The following CEP128 variants were observed in gnomAD, a reference collection of about 807,000 sequenced individuals.
CEP128 encodes the protein centrosomal protein 128kDa.
In CEP128, 132 loss-of-function variants were observed where a neutral mutation model predicts 156.7. The ratio of observed to expected loss-of-function variants is 0.84; its 90% CI spans 0.73 to 0.97. The LOEUF (loss-of-function observed/expected upper bound fraction) is 0.97. Among genes scored for constraint, CEP128 ranks in the 50% least tolerant of loss-of-function variants. CEP128 has a pLI of 0.00. For missense variants in CEP128, 1,252 were observed against 1,281.9 expected (o/e 0.98, Z 0.36); for synonymous variants, 469 against 448.9 (o/e 1.04, Z -0.57).
At chr14:80,656,445 A>G (rs1013115013) in intron 19 of CEP128, among the ~76,000 whole-genome samples, 2 of 149,998 alleles carry the variant, frequency 1.3e-5, no homozygotes, top group African/African-American at 4.9e-5. Flanking sequence ...CTTCACTGAA[A>G]GCAAGGGCAT....
chr14:80,910,263 T>C (rs1030234109), intron 4 of CEP128, among the ~76,000 whole-genome samples: 2 of 152,122 alleles, frequency 1.3e-5, no homozygotes, highest in Admixed American at 1.3e-4. Context: ...CAAATAAAAT[T>C]TGGGCACTGG....
At chr14:80,788,288 CTTTTTTTTT>C (rs10628361) in intron 14 of CEP128, among the ~76,000 whole-genome samples, 3 of 97,250 alleles carry the variant, frequency 3.1e-5, no homozygotes, top group African/African-American at 1.2e-4. Flanking sequence ...TGGCCAGGAT[CTTTTTTTTT>C]TTTTTTTTTT....
chr14:80,607,587 T>C (rs965081312), intron 19 of CEP128, among the ~76,000 whole-genome samples: 2 of 152,158 alleles, frequency 1.3e-5, no homozygotes, highest in Non-Finnish European at 2.9e-5. Context: ...TGTTAATCTT[T>C]CAGAGAAGCA....
At chr14:80,486,111 T>C (rs1398444819), downstream of CEP128, among the ~76,000 whole-genome samples, 1 of 152,164 alleles carries the variant, frequency 6.6e-6, no homozygotes, top group East Asian at 1.9e-4. Context: ...TGGGACCTAT[T>C]GCATTGTAGT....
At chr14:80,955,474 G>C in intron 2 of CEP128, 3 of 635,088 alleles carry the variant, frequency 4.7e-6, no homozygotes, top group Non-Finnish European at 8.3e-6. Context: ...TTTGGGTCAA[G>C]GTTGCCTAGG....
Position 80,785,175 on chromosome 14 carries a change from C to G in CEP128, c.1931G>C (p.Arg644Pro). 1 of 1,614,160 alleles carries G rather than the reference C, an allele frequency of 6.2e-7. No homozygotes were observed. The highest frequency in any genetic ancestry group is 8.5e-7 in the Non-Finnish European group (1 of 1,180,006). Reference protein sequence around the residue: ...QESIKDLSAIRADLANKLAEE... With the variant: ...QESIKDLSAIPADLANKLAEE... ...AGCCAATTTATTAGCAAGATCTGCTCGGATGGCACTCAGGTCCTTGATGGA... is the reference window on the plus strand; with the variant it reads ...AGCCAATTTATTAGCAAGATCTGCTGGGATGGCACTCAGGTCCTTGATGGA... Residue 644 changes from arginine (R) to proline (P), a missense_variant, in exon 15 of 25, where the codon CGA becomes CCA. By Grantham distance (103) the Arg-to-Pro change is moderately radical. Transcript: ENST00000555265.
At chr14:80,875,770 C>T (rs1262404097) in intron 8 of CEP128, among the ~76,000 whole-genome samples, 2 of 152,096 alleles carry the variant, frequency 1.3e-5, no homozygotes, top group Non-Finnish European at 2.9e-5. Flanking sequence ...CAGGTATATG[C>T]ACACTCGCCC....
chr14:80,680,956 G>A (rs535377131), intron 19 of CEP128, among the ~76,000 whole-genome samples: 4 of 152,198 alleles, frequency 2.6e-5, no homozygotes, highest in Admixed American at 6.5e-5. Flanking sequence ...CCCATTGCCT[G>A]AGACAATAGA....
At chr14:80,907,412 C>A (rs985113769) in intron 4 of CEP128, among the ~76,000 whole-genome samples, 1 of 152,090 alleles carries the variant, frequency 6.6e-6, no homozygotes, top group Non-Finnish European at 1.5e-5. Flanking sequence ...GTAATCCCTG[C>A]AGTTTGGGAG....
At chr14:80,616,445 T>G (rs915348182) in intron 19 of CEP128, among the ~76,000 whole-genome samples, 1 of 152,192 alleles carries the variant, frequency 6.6e-6, no homozygotes. Flanking sequence ...CACTGGGAAA[T>G]AGCAAAGTTG....
chr14:80,640,773 C>A (rs979359671), intron 19 of CEP128, among the ~76,000 whole-genome samples: 1 of 152,294 alleles, frequency 6.6e-6, no homozygotes, highest in African/African-American at 2.4e-5. Context: ...AGAAACCACC[C>A]TTTTGCTGAT....
chr14:80,730,373 T>C (rs1322545691), intron 19 of CEP128, among the ~76,000 whole-genome samples: 1 of 152,206 alleles, frequency 6.6e-6, no homozygotes, highest in Non-Finnish European at 1.5e-5. Flanking sequence ...AAGTGCTTCT[T>C]AGTTAACTTA....
At chr14:80,784,028 A>C (rs550475498) in intron 15 of CEP128, among the ~76,000 whole-genome samples, 1 of 152,274 alleles carries the variant, frequency 6.6e-6, no homozygotes, top group African/African-American at 2.4e-5. Flanking sequence ...TTAAATCATA[A>C]GCATTTTGAA....
chr14:80,536,872 C>T (rs1889507223), intron 21 of CEP128, among the ~76,000 whole-genome samples: 1 of 152,144 alleles, frequency 6.6e-6, no homozygotes, highest in African/African-American at 2.4e-5. Context: ...TCTAAAAAAT[C>T]AGATGCCCAC....
intron 19 of CEP128, among the ~76,000 whole-genome samples, chr14:80,667,501 C>T (rs1182245480): frequency 6.6e-6 from 1 of 151,938 alleles, no homozygotes; most frequent in African/African-American, 2.4e-5. Flanking sequence ...GTTTTTGAAC[C>T]CAAATTCTAA....
chr14:80,664,649 G>A (rs1895539427), intron 19 of CEP128, among the ~76,000 whole-genome samples: 1 of 152,152 alleles, frequency 6.6e-6, no homozygotes, highest in Non-Finnish European at 1.5e-5. Flanking sequence ...GTCACAAAGT[G>A]GTAGAGAAAG....
chr14:80,634,558 C>T (rs2597085), intron 19 of CEP128, among the ~76,000 whole-genome samples: 44,533 of 152,016 alleles, frequency 0.29, 8,474 homozygotes, highest in African/African-American at 0.53. Context: ...GCTTAGTAGG[C>T]ATTTTTTCCA....
At chr14:80,880,944 TTAC>T (rs1205820342) in intron 8 of CEP128, among the ~76,000 whole-genome samples, 1 of 143,748 alleles carries the variant, frequency 7.0e-6, no homozygotes, top group African/African-American at 2.5e-5. Context: ...CACATAGAAA[TTAC>T]TACATTTTTA....
intron 9 of CEP128, among the ~76,000 whole-genome samples, chr14:80,848,270 A>G (rs1371025153): frequency 6.6e-6 from 1 of 152,188 alleles, no homozygotes; most frequent in Non-Finnish European, 1.5e-5. Flanking sequence ...TGGGAACAGA[A>G]AGTGCAAATG....
Sources: allele counts gnomAD v4.1 joint callset (sites outside exome capture counted in the v4.1 genomes callset), GRCh38; gene constraint gnomAD v4.1.1; transcripts MANE v1.5; gene names NCBI Gene and HGNC (gene_info 2026-07-23, HGNC 2026-07-21).